The following UROS variants were observed in gnomAD, a reference collection of about 807,000 sequenced individuals.
UROS encodes the protein uroporphyrinogen III synthase.
In UROS, 18 loss-of-function variants were observed where a neutral mutation model predicts 33.0. The ratio of observed to expected loss-of-function variants is 0.55; its 90% CI spans 0.38 to 0.81. The LOEUF (loss-of-function observed/expected upper bound fraction) is 0.81. Ranked by LOEUF, UROS falls within the 30% of genes least tolerant of loss-of-function variation. The probability of loss-of-function intolerance (pLI) is 0.00; values close to 1 mark genes in which losing one functional copy is unlikely to be tolerated. For synonymous variants in UROS, 114 were observed against 121.1 expected, an observed-to-expected ratio of 0.94 and a Z score of 0.38; for missense variants, 293 against 314.9, an observed-to-expected ratio of 0.93 and a Z score of 0.53.
At chr10:125,802,733 T>C in intron 6 of UROS, 1 of 1,399,428 alleles carries the variant, frequency 7.1e-7, no homozygotes, top group African/African-American at 1.4e-5. Flanking sequence ...CAGTATCTCT[T>C]TAGGTACAGC....
At chr10:125,808,105 T>G (rs1221533916) in intron 5 of UROS, among the ~76,000 whole-genome samples, 1 of 152,230 alleles carries the variant, frequency 6.6e-6, no homozygotes, top group African/African-American at 2.4e-5. Flanking sequence ...TCCCTATTCA[T>G]GAACCAAGTA....
At chr10:125,803,603 G>A (rs1315028167) in intron 6 of UROS, among the ~76,000 whole-genome samples, 2 of 152,236 alleles carry the variant, frequency 1.3e-5, no homozygotes, top group East Asian at 1.9e-4. Flanking sequence ...AATCCTGGCT[G>A]TACCTAGTGA....
intron 6 of UROS, among the ~76,000 whole-genome samples, chr10:125,799,598 A>G (rs894346966): frequency 1.3e-5 from 2 of 152,088 alleles, no homozygotes; most frequent in Non-Finnish European, 2.9e-5. Context: ...GCTCATTCTT[A>G]TCTCTGACTC....
intron 4 of UROS, among the ~76,000 whole-genome samples, chr10:125,814,410 A>G (rs1039478203): frequency 6.6e-6 from 1 of 152,164 alleles, no homozygotes; most frequent in East Asian, 1.9e-4. Flanking sequence ...AGTTTTCTCA[A>G]TGGTAACATA....
At chr10:125,810,752 A>T (rs1309789697) in intron 5 of UROS, among the ~76,000 whole-genome samples, 1 of 152,208 alleles carries the variant, frequency 6.6e-6, no homozygotes, top group African/African-American at 2.4e-5. Flanking sequence ...TTGTCCCTGT[A>T]CCTACTCAAA....
chr10:125,798,122 G>A lies in UROS; in HGVS notation c.418C>T (p.Leu140=). 1 of 1,614,006 alleles carries A rather than the reference G, an allele frequency of 6.2e-7. No individual in the cohort carries two copies. The highest frequency in any genetic ancestry group is 1.7e-5 in the Admixed American group (1 of 60,030). The part of the protein sequence containing the change: ...CSRESSALPL[L]FPCGNLKREI... ...CTTTTGAGGTTTCCACAGGGAAATA[G>A]AAGAGGCAGTGCTGAGGACTCCCCT... The change falls in exon 7 of 10, where the codon CTA becomes TTA. Residue 140 remains leucine, a synonymous_variant. Coordinates refer to ENST00000368797, the MANE Select transcript of UROS (RefSeq NM_000375.3).
intron 9 of UROS, chr10:125,793,228 G>T (rs1046789999): frequency 1.3e-5 from 2 of 151,736 alleles, no homozygotes; most frequent in African/African-American, 4.9e-5. Context: ...TGCTCACTTT[G>T]AAAGAAGATA....
intron 6 of UROS, among the ~76,000 whole-genome samples, chr10:125,800,532 C>T (rs1485444894): frequency 1.3e-5 from 2 of 151,706 alleles, no homozygotes; most frequent in African/African-American, 4.8e-5. Context: ...TGGAGAATCC[C>T]TCTCTTTGTT....
chr10:125,805,301 A>G (rs1852226510), intron 6 of UROS, among the ~76,000 whole-genome samples: 1 of 152,222 alleles, frequency 6.6e-6, no homozygotes, highest in African/African-American at 2.4e-5. Context: ...AGCCCCAGTC[A>G]CTGTAAATCA....
intron 1 of UROS, among the ~76,000 whole-genome samples, chr10:125,817,787 C>G (rs1174766304): frequency 2.0e-5 from 3 of 152,148 alleles, no homozygotes; most frequent in Non-Finnish European, 4.4e-5. Flanking sequence ...TCACACCCAA[C>G]CAGTCTGGCT....
chr10:125,794,309 G>A (rs1851170354), intron 9 of UROS: 2 of 990,296 alleles, frequency 2.0e-6, no homozygotes, highest in African/African-American at 1.7e-5. Context: ...ACTGCAGTGA[G>A]TGGCAGTGTC....
At chr10:125,815,944 A>T (rs2133946331) in intron 3 of UROS, among the ~76,000 whole-genome samples, 1 of 152,216 alleles carries the variant, frequency 6.6e-6, no homozygotes, top group Non-Finnish European at 1.5e-5. Flanking sequence ...TCTCACCATG[A>T]CCTGCTCTCC....
chr10:125,807,653 G>T (rs994116060), intron 5 of UROS, among the ~76,000 whole-genome samples, 166 bp from the exon 6 acceptor site: 1 of 152,226 alleles, frequency 6.6e-6, no homozygotes, highest in Non-Finnish European at 1.5e-5. Flanking sequence ...CTGTTCAGAA[G>T]AGAAAGCATC....
intron 1 of UROS, among the ~76,000 whole-genome samples, chr10:125,820,887 A>G (rs1313197306): frequency 6.6e-6 from 1 of 152,208 alleles, no homozygotes; most frequent in Non-Finnish European, 1.5e-5. Flanking sequence ...TAAGCAATCT[A>G]CTACCTGCTG....
downstream of UROS, among the ~76,000 whole-genome samples, chr10:125,788,254 C>T (rs374945348): frequency 3.3e-4 from 50 of 152,342 alleles, no homozygotes; most frequent in South Asian, 9.9e-3. Context: ...AGCCTTTCTG[C>T]AGGGCACTGC....
Position 125,788,770 on chromosome 10 carries a change from G to C in UROS, c.*98C>G, listed in dbSNP as rs1171400079. 2.0e-6 allele frequency: 3 copies of C among 1,482,528 alleles called. No homozygotes were observed. The highest frequency in any genetic ancestry group is 2.3e-5 in the Admixed American group (1 of 44,140). The allele number at this position is 1,482,528 out of a possible 1,614,324, so 91.8% of individuals were successfully genotyped here. A position where few individuals can be genotyped will look rare whatever the true frequency, so the allele number is the denominator to read the frequency against. On this transcript the variant is annotated 3_prime_UTR_variant, in exon 10 of 10. Transcript: ENST00000368797. The stretch of plus-strand genomic sequence containing the variant: ...CCACTCAGGCTTGAGGCAGGAGTCT[G>C]ACGGCAGCAGCTCCCGAGAGCCCTT...
intron 6 of UROS, among the ~76,000 whole-genome samples, chr10:125,804,984 C>T (rs1199243824): frequency 1.3e-5 from 2 of 152,294 alleles, no homozygotes; most frequent in East Asian, 1.9e-4. Flanking sequence ...AAACATCTGC[C>T]GAACCATATT....
chr10:125,803,367 G>A (rs991967618), intron 6 of UROS, among the ~76,000 whole-genome samples: 3 of 152,182 alleles, frequency 2.0e-5, no homozygotes, highest in African/African-American at 4.8e-5. Context: ...CCAGGACCCC[G>A]TGGAAGCTGC....
At chr10:125,820,099 G>A (rs1378346103) in intron 1 of UROS, among the ~76,000 whole-genome samples, 3 of 152,156 alleles carry the variant, frequency 2.0e-5, no homozygotes, top group African/African-American at 7.2e-5. Flanking sequence ...CTTTTACTGA[G>A]CATTTACTCA....
Sources: gnomAD v4.1 joint callset for allele counts (sites outside exome capture counted in the v4.1 genomes callset) on GRCh38, gnomAD v4.1.1 for gene constraint, MANE v1.5 for transcripts, NCBI Gene and HGNC (gene_info 2026-07-23, HGNC 2026-07-21) for gene names.